DPP10: variants seen among roughly 807,000 people sequenced by gnomAD.
The protein encoded by DPP10 is inactive dipeptidyl peptidase 10.
DPP10 carries 33 observed loss-of-function variants against 120.9 expected under a neutral mutation model. The observed-to-expected ratio is 0.27, with a 90% CI of 0.21 to 0.37. DPP10 has a LOEUF of 0.37. DPP10 is among the 10% of genes least tolerant of loss of function. The pLI, the probability that DPP10 is intolerant of heterozygous loss-of-function variation, is 1.00. For synonymous variants in DPP10, 337 were observed against 326.1 expected (o/e 1.03, Z -0.36); for missense variants, 816 against 942.8 (o/e 0.87, Z 1.76).
intron 1 of DPP10, among the ~76,000 whole-genome samples, chr2:115,129,357 G>C (rs1160521670): frequency 1.3e-5 from 2 of 152,126 alleles, no homozygotes; most frequent in African/African-American, 4.8e-5. Flanking sequence ...GCAATCCACG[G>C]AAATATGAGA....
intron 1 of DPP10, among the ~76,000 whole-genome samples, chr2:115,021,245 G>C (rs1703053736): frequency 6.6e-6 from 1 of 151,956 alleles, no homozygotes; most frequent in South Asian, 2.1e-4. Flanking sequence ...TCTTTGAAAG[G>C]ATAAATAAAA....
chr2:115,118,239 T>C (rs1346275602), intron 1 of DPP10, among the ~76,000 whole-genome samples: 1 of 152,182 alleles, frequency 6.6e-6, no homozygotes, highest in Non-Finnish European at 1.5e-5. Flanking sequence ...TCCATTTCTT[T>C]CCAATCTGTT....
At chr2:114,572,057 T>C (rs532629231) in intron 1 of DPP10, among the ~76,000 whole-genome samples, 1 of 151,054 alleles carries the variant, frequency 6.6e-6, no homozygotes, top group Non-Finnish European at 1.5e-5. Context: ...GTATACATAT[T>C]GTATTATATT....
rs181872309 is a variant in DPP10, at chr2:115,232,196, T to C, written c.61-77043T>C. Among the ~76,000 whole-genome samples, 17 of 152,250 alleles carry C rather than the reference T, an allele frequency of 1.1e-4. No homozygotes were observed. In the East Asian group the frequency reaches 3.3e-3, roughly 30 times the overall value. ...CCTGTAACATTCTAGCCTGGGTCTC[T>C]ACTCCAGCATGACTGAACTCCGGCC... On this transcript the variant is annotated intron_variant, in intron 1 of 25. Transcript: ENST00000410059.
chr2:115,347,778 C>T (rs1396222990), intron 3 of DPP10, among the ~76,000 whole-genome samples: 1 of 152,022 alleles, frequency 6.6e-6, no homozygotes, highest in Non-Finnish European at 1.5e-5. Context: ...TGATGGTTTC[C>T]AGCATCATCC....
intron 1 of DPP10, among the ~76,000 whole-genome samples, chr2:114,502,788 A>T (rs949589114): frequency 1.3e-5 from 2 of 152,226 alleles, no homozygotes; most frequent in African/African-American, 4.8e-5. Context: ...GGGAGGGTTA[A>T]ACCCACGATC....
chr2:114,939,275 G>C (rs75325866), intron 1 of DPP10, among the ~76,000 whole-genome samples: 4 of 152,158 alleles, frequency 2.6e-5, no homozygotes, highest in East Asian at 1.9e-4. Flanking sequence ...TGTTGAAAGG[G>C]GGGGGTGGTT....
intron 1 of DPP10, among the ~76,000 whole-genome samples, chr2:115,230,067 G>A (rs1200512301): frequency 6.6e-6 from 1 of 151,552 alleles, no homozygotes; most frequent in East Asian, 1.9e-4. Flanking sequence ...GAATATCTTT[G>A]TATTTTTCTT....
intron 21 of DPP10, among the ~76,000 whole-genome samples, chr2:115,821,610 C>T (rs938464913): frequency 6.6e-6 from 1 of 151,862 alleles, no homozygotes; most frequent in African/African-American, 2.4e-5. Context: ...TTACTGTTTT[C>T]ATTATATGTG....
At chr2:115,005,043 C>CAAGTG in intron 1 of DPP10, among the ~76,000 whole-genome samples, 1 of 152,224 alleles carries the variant, frequency 6.6e-6, no homozygotes, top group Non-Finnish European at 1.5e-5. Context: ...ACTGCCTCCT[C>CAAGTG]AAGTGGGTCC....
chr2:114,620,453 A>C (rs1026317816), intron 1 of DPP10, among the ~76,000 whole-genome samples: 1 of 152,038 alleles, frequency 6.6e-6, no homozygotes, highest in Non-Finnish European at 1.5e-5. Flanking sequence ...ATTTAATTTT[A>C]ATGGACTGAC....
chr2:115,476,042 C>T (rs969093931), intron 3 of DPP10, among the ~76,000 whole-genome samples: 2 of 151,964 alleles, frequency 1.3e-5, no homozygotes, highest in African/African-American at 4.8e-5. Flanking sequence ...CGGGGGGACT[C>T]TTGAGAAGAT....
intron 12 of DPP10, among the ~76,000 whole-genome samples, chr2:115,764,958 T>C (rs1175885403): frequency 6.6e-6 from 1 of 152,092 alleles, no homozygotes; most frequent in African/African-American, 2.4e-5. Flanking sequence ...TCAAAGGACT[T>C]GCAATTGAGA....
intron 1 of DPP10, among the ~76,000 whole-genome samples, chr2:114,801,280 G>GAAAAAAA (rs1165763409): frequency 3.2e-5 from 2 of 62,846 alleles, no homozygotes; most frequent in African/African-American, 1.1e-4. Flanking sequence ...AAAAAAAAAA[G>GAAAAAAA]AAAAAAAGAA....
chr2:115,414,397 A>AT lies in DPP10; in HGVS notation c.271+70486dup, dbSNP rs1257923071. The stretch of plus-strand genomic sequence containing the variant: ...ATGCTCTGAGGGAGGCACATTTTCC[A>AT]TCATCTTTTATCTCAACACTGAATA... On this transcript the variant is annotated intron_variant, in intron 3 of 25. Coordinates refer to ENST00000410059, the MANE Select transcript of DPP10 (RefSeq NM_020868.6). Among the ~76,000 whole-genome samples, 25 of 152,274 alleles carry AT rather than the reference A, an allele frequency of 1.6e-4. 1 individual carries two copies. In the East Asian group the frequency reaches 4.8e-3, roughly 29 times the overall value.
intron 3 of DPP10, among the ~76,000 whole-genome samples, chr2:115,482,320 AGTT>A (rs2075488478): frequency 1.3e-4 from 4 of 31,604 alleles, no homozygotes; most frequent in Non-Finnish European, 4.2e-4. Context: ...ATAGTAAAAT[AGTT>A]AGTATAGGGG....
intron 1 of DPP10, among the ~76,000 whole-genome samples, chr2:114,905,476 G>T (rs1189316905): frequency 1.3e-5 from 2 of 151,818 alleles, no homozygotes; most frequent in Non-Finnish European, 2.9e-5. Flanking sequence ...TTATTTTATT[G>T]TATTTTTAAC....
chr2:114,548,875 GA>G, intron 1 of DPP10, among the ~76,000 whole-genome samples: 1 of 152,220 alleles, frequency 6.6e-6, no homozygotes, highest in Non-Finnish European at 1.5e-5. Context: ...CTCTAAGAAA[GA>G]AAAACTGAAA....
At chr2:114,646,195 T>TAAATAAA (rs1438353730) in intron 1 of DPP10, among the ~76,000 whole-genome samples, 1 of 144,634 alleles carries the variant, frequency 6.9e-6, no homozygotes, top group Non-Finnish European at 1.5e-5. Flanking sequence ...AATAAATAAA[T>TAAATAAA]AAAAAGGGGG....
Sources: gnomAD v4.1 joint callset for allele counts (sites outside exome capture counted in the v4.1 genomes callset) on GRCh38, gnomAD v4.1.1 for gene constraint, MANE v1.5 for transcripts, NCBI Gene and HGNC (gene_info 2026-07-23, HGNC 2026-07-21) for gene names.